The following BBX variants were observed in gnomAD, a reference collection of about 807,000 sequenced individuals.
BBX encodes the protein BBX high mobility group box domain containing, also known as HMG box transcription factor BBX.
In BBX, 30 loss-of-function variants were observed where a neutral mutation model predicts 100.2. The observed-to-expected ratio is 0.30, with a 90% confidence interval of 0.22 to 0.41. The LOEUF (loss-of-function observed/expected upper bound fraction) is 0.41. BBX is among the 10% of genes least tolerant of loss of function. BBX has a pLI of 1.00. For missense variants in BBX, 1,023 were observed against 1,129.8 expected, an observed-to-expected ratio of 0.91 and a Z score of 1.35; for synonymous variants, 376 against 388.1, an observed-to-expected ratio of 0.97 and a Z score of 0.37.
chr3:107,523,211 C>T, intron 1 of BBX, 104 bp downstream of exon 1: 1 of 218,142 alleles, frequency 4.6e-6, no homozygotes. Flanking sequence ...GACTCCGCGG[C>T]AGGAGCAGCG....
intron 13 of BBX, among the ~76,000 whole-genome samples, chr3:107,786,119 A>G (rs2068394878): frequency 6.6e-6 from 1 of 152,128 alleles, no homozygotes; most frequent in African/African-American, 2.4e-5. Flanking sequence ...AATAAGTTTA[A>G]CAAAAGAAGT....
intron 5 of BBX, among the ~76,000 whole-genome samples, chr3:107,727,463 C>T (rs888047803): frequency 6.6e-6 from 1 of 152,012 alleles, no homozygotes; most frequent in African/African-American, 2.4e-5. Context: ...GCCTTGTGTC[C>T]AACTTTAATT....
chr3:107,698,229 A>G (rs1017084766), intron 3 of BBX, among the ~76,000 whole-genome samples: 1 of 151,690 alleles, frequency 6.6e-6, no homozygotes, highest in Admixed American at 6.6e-5. Flanking sequence ...CCCGCCTTTT[A>G]ATTATTTTAA....
intron 3 of BBX, among the ~76,000 whole-genome samples, chr3:107,687,443 T>C (rs916692319): frequency 2.0e-4 from 30 of 151,988 alleles, no homozygotes; most frequent in African/African-American, 7.0e-4. Context: ...GGAGAACTTA[T>C]AGACAGAGAA....
chr3:107,667,764 G>A (rs2058828911), intron 3 of BBX, among the ~76,000 whole-genome samples: 2 of 151,894 alleles, frequency 1.3e-5, no homozygotes, highest in African/African-American at 4.8e-5. Context: ...ATCCAAGGAA[G>A]TATTCTAAAA....
chr3:107,664,207 C>A (rs956708470), intron 3 of BBX, among the ~76,000 whole-genome samples: 1 of 152,034 alleles, frequency 6.6e-6, no homozygotes, highest in African/African-American at 2.4e-5. Context: ...GTACATATTA[C>A]TTCTTCAGGA....
chr3:107,609,206 G>A (rs1267985886), intron 2 of BBX, among the ~76,000 whole-genome samples: 1 of 152,048 alleles, frequency 6.6e-6, no homozygotes, highest in Non-Finnish European at 1.5e-5. Flanking sequence ...TGCATATGTT[G>A]AGCCATCCTT....
chr3:107,587,832 T>TATTC (rs2052979335), intron 2 of BBX, among the ~76,000 whole-genome samples: 1 of 152,210 alleles, frequency 6.6e-6, no homozygotes, highest in Non-Finnish European at 1.5e-5. Context: ...TCCACCCATT[T>TATTC]ATTCATTCAT....
intron 2 of BBX, among the ~76,000 whole-genome samples, chr3:107,566,871 A>G (rs186855280): frequency 2.6e-4 from 39 of 152,088 alleles, no homozygotes; most frequent in African/African-American, 8.9e-4. Flanking sequence ...GTTTTGAAAT[A>G]ATTCATTTAT....
intron 2 of BBX, among the ~76,000 whole-genome samples, chr3:107,619,709 C>T (rs1246280461): frequency 6.6e-6 from 1 of 152,024 alleles, no homozygotes; most frequent in Non-Finnish European, 1.5e-5. Context: ...GGTATTTTCA[C>T]TGGGTATAGG....
Position 107,773,716 on chromosome 3 carries a change from A to G in BBX, c.1915+80A>G. ...TTTAGACCTATTGAAAACAACTGCCATAAAAAACAATATGGTATCAAAATA... is the reference window on the plus strand; with the variant it reads ...TTTAGACCTATTGAAAACAACTGCCGTAAAAAACAATATGGTATCAAAATA... On this transcript the variant is annotated intron_variant, in intron 11 of 17. Coordinates refer to ENST00000325805, the MANE Select transcript of BBX (RefSeq NM_001142568.3). The surrounding 1 kb of genome is among the most constrained non-coding windows in gnomAD (Gnocchi z 4.1). The G allele has an allele frequency of 6.7e-6, 8 of 1,200,616 alleles. No homozygotes were observed. The highest frequency in any genetic ancestry group is 4.6e-6 in the Non-Finnish European group (4 of 864,898). The allele number at this position is 1,200,616 out of a possible 1,614,324, so 74.4% of individuals were successfully genotyped here. A position where few individuals can be genotyped will look rare whatever the true frequency, so the allele number is the denominator to read the frequency against.
At chr3:107,756,005 T>C (rs1211303174) in intron 10 of BBX, among the ~76,000 whole-genome samples, 4 of 152,194 alleles carry the variant, frequency 2.6e-5, no homozygotes, top group Admixed American at 6.5e-5. Context: ...CTGATTCCCG[T>C]AAACCGTCTA....
At chr3:107,554,770 TA>T (rs2049960620) in intron 2 of BBX, among the ~76,000 whole-genome samples, 1 of 151,548 alleles carries the variant, frequency 6.6e-6, no homozygotes, top group Non-Finnish European at 1.5e-5. Flanking sequence ...AATGACATTT[TA>T]AAAGATTGAT....
Position 107,530,229 on chromosome 3 carries a change from TA to T in BBX, c.-84+3836del, listed in dbSNP as rs569290619. Among the ~76,000 whole-genome samples the T allele has an allele frequency of 1.3e-3, 200 of 152,132 alleles. 1 individual carries two copies. The highest frequency in any genetic ancestry group is 4.7e-3 in the African/African-American group (194 of 41,512). On this transcript the variant is annotated intron_variant, in intron 2 of 17. Coordinates refer to ENST00000325805, the MANE Select transcript of BBX (RefSeq NM_001142568.3). ...CAACATGGTGAAACCTTGTCTTTAC[TA>T]AAAATACAAAAATTAGTCAGGTGTA...
chr3:107,695,047 T>G (rs2108118853), intron 3 of BBX, among the ~76,000 whole-genome samples: 2 of 149,094 alleles, frequency 1.3e-5, no homozygotes, highest in Middle Eastern at 3.4e-3. Context: ...TGATATCCCC[T>G]TTATCATTTT....
At chr3:107,544,958 A>G (rs989865228) in intron 2 of BBX, among the ~76,000 whole-genome samples, 1 of 151,976 alleles carries the variant, frequency 6.6e-6, no homozygotes, top group Non-Finnish European at 1.5e-5. Context: ...TGGAGCTTGC[A>G]ATGAGCCGAG....
intron 3 of BBX, among the ~76,000 whole-genome samples, chr3:107,688,238 G>A (rs1355405766): frequency 6.6e-6 from 1 of 152,148 alleles, no homozygotes; most frequent in East Asian, 1.9e-4. Flanking sequence ...TCCAGGAATG[G>A]CCAGTTACCT....
At chr3:107,774,556 A>G (rs1225984574) in intron 11 of BBX, among the ~76,000 whole-genome samples, 163 bp from the exon 12 acceptor site, 2 of 152,160 alleles carry the variant, frequency 1.3e-5, no homozygotes, top group Admixed American at 6.5e-5. Context: ...TTCCATTATT[A>G]AAGATGGTCC....
At chr3:107,732,615 A>G (rs2063380443) in intron 6 of BBX, among the ~76,000 whole-genome samples, 1 of 152,198 alleles carries the variant, frequency 6.6e-6, no homozygotes, top group African/African-American at 2.4e-5. Flanking sequence ...ACAAACAGAA[A>G]CATTCTTTTG....
Sources: allele counts gnomAD v4.1 joint callset (sites outside exome capture counted in the v4.1 genomes callset), GRCh38; gene constraint gnomAD v4.1.1; non-coding constraint Gnocchi (gnomAD v3.1); transcripts MANE v1.5; gene names NCBI Gene and HGNC (gene_info 2026-07-23, HGNC 2026-07-21).